The following CFAP221 variants were observed in gnomAD, a reference collection of about 807,000 sequenced individuals.
The protein encoded by CFAP221 is cilia- and flagella-associated protein 221.
CFAP221 carries 97 observed loss-of-function variants against 113.1 expected under a neutral mutation model. The observed-to-expected ratio is 0.86, with a 90% confidence interval of 0.73 to 1.02. The LOEUF (loss-of-function observed/expected upper bound fraction) is 1.02, where lower values mean the gene tolerates loss of function less well. Among genes scored for constraint, CFAP221 ranks in the 50% least tolerant of loss-of-function variants. The pLI, the probability that CFAP221 is intolerant of heterozygous loss-of-function variation, is 0.00. For synonymous variants in CFAP221, 331 were observed against 354.4 expected, an observed-to-expected ratio of 0.93 and a Z score of 0.74; for missense variants, 1,025 against 1,013.4, an observed-to-expected ratio of 1.01 and a Z score of -0.16.
intron 7 of CFAP221, 144 bp from the exon 8 acceptor site, chr2:119,601,074 T>C: frequency 1.2e-6 from 1 of 810,092 alleles, no homozygotes; most frequent in Non-Finnish European, 1.8e-6. Flanking sequence ...CCAAAAGTTA[T>C]GTGTGGATTT....
intron 14 of CFAP221, among the ~76,000 whole-genome samples, chr2:119,616,384 C>T (rs557401692): frequency 1.2e-3 from 188 of 152,256 alleles, no homozygotes; most frequent in Non-Finnish European, 2.3e-3. Flanking sequence ...CACCTTTTGG[C>T]TATTATGAGT....
At chr2:119,554,048 C>A (rs995512374) in intron 3 of CFAP221, among the ~76,000 whole-genome samples, 4 of 152,296 alleles carry the variant, frequency 2.6e-5, no homozygotes, top group African/African-American at 9.6e-5. Context: ...ATCTTAATAA[C>A]ATTCTCGGAA....
At chr2:119,629,140 C>CA (rs1686583918) in intron 16 of CFAP221, among the ~76,000 whole-genome samples, 1 of 152,116 alleles carries the variant, frequency 6.6e-6, no homozygotes. Context: ...GTCATTGTGG[C>CA]ATATTAACGT....
At chr2:119,636,272 G>C (rs1369468990) in intron 19 of CFAP221, among the ~76,000 whole-genome samples, 1 of 152,166 alleles carries the variant, frequency 6.6e-6, no homozygotes, top group Non-Finnish European at 1.5e-5. Flanking sequence ...TGAAGGTCTT[G>C]GCTGTAGTTC....
chr2:119,579,675 A>G (rs1682708869), intron 6 of CFAP221, among the ~76,000 whole-genome samples: 1 of 152,322 alleles, frequency 6.6e-6, no homozygotes, highest in African/African-American at 2.4e-5. Context: ...AGACTGGCTA[A>G]TGCATCAGGA....
chr2:119,658,140 T>C (rs1339092973), downstream of CFAP221, among the ~76,000 whole-genome samples: 1 of 152,214 alleles, frequency 6.6e-6, no homozygotes, highest in Non-Finnish European at 1.5e-5. Flanking sequence ...GCCACAACCA[T>C]TACCATGATG....
chr2:119,624,188 C>T (rs1686130500), intron 14 of CFAP221, among the ~76,000 whole-genome samples: 1 of 152,104 alleles, frequency 6.6e-6, no homozygotes. Context: ...AAACAAACAA[C>T]CCCATCAAAA....
At position 119,627,702 on chromosome 2, in the gene CFAP221, T is replaced by C. The variant is rs1287155193; in HGVS notation, c.1566T>C (p.Tyr522=). The part of the protein sequence containing the change: ...FFLRRISQDD[Y]TSRFSVSPKE... Reference sequence around the variant, plus strand: ...TGAGGCGGATCAGTCAGGATGATTATACCAGCCGGTTCTCTGTGTCGCCCA... The same window carrying C: ...TGAGGCGGATCAGTCAGGATGATTACACCAGCCGGTTCTCTGTGTCGCCCA... Residue 522 remains tyrosine (Y), a synonymous_variant, in exon 16 of 24, where the codon TAT becomes TAC. Transcript: ENST00000413369. 1.2e-6 allele frequency: 2 copies of C among 1,613,950 alleles called. No individual in the cohort carries two copies. Among genetic ancestry groups the C allele is most frequent in the East Asian group, 4.5e-5 (2 of 44,874 alleles).
chr2:119,586,475 C>T (rs1444561914), intron 6 of CFAP221, among the ~76,000 whole-genome samples: 3 of 152,162 alleles, frequency 2.0e-5, no homozygotes, highest in Admixed American at 6.5e-5. Context: ...CTTAGAGGTC[C>T]GCCTTGTCTT....
intron 22 of CFAP221, among the ~76,000 whole-genome samples, chr2:119,649,333 A>G (rs1252454115): frequency 2.0e-5 from 3 of 152,214 alleles, no homozygotes; most frequent in South Asian, 4.1e-4. Context: ...AGAAATTATC[A>G]TAAGTCAAAA....
At chr2:119,633,699 C>T (rs1686933902) in intron 19 of CFAP221, among the ~76,000 whole-genome samples, 1 of 140,708 alleles carries the variant, frequency 7.1e-6, no homozygotes, top group African/African-American at 2.6e-5. Context: ...CCAAAGAAGA[C>T]TTATAAATGG....
At chr2:119,641,269 G>A (rs532258655) in intron 21 of CFAP221, among the ~76,000 whole-genome samples, 16 of 152,140 alleles carry the variant, frequency 1.1e-4, no homozygotes, top group African/African-American at 3.4e-4. Context: ...ATTAGCATGC[G>A]GTAAACAAAA....
intron 12 of CFAP221, among the ~76,000 whole-genome samples, chr2:119,610,512 A>G (rs1036855725): frequency 6.6e-6 from 1 of 152,162 alleles, no homozygotes; most frequent in Non-Finnish European, 1.5e-5. Context: ...CCATTATTCT[A>G]GCTAGTGATC....
At chr2:119,640,302 T>C (rs1265516643) in intron 21 of CFAP221, among the ~76,000 whole-genome samples, 1 of 152,008 alleles carries the variant, frequency 6.6e-6, no homozygotes, top group Non-Finnish European at 1.5e-5. Context: ...CATGGCCCTC[T>C]TGTGCCACAG....
At chr2:119,601,491 A>G (rs966520205) in intron 8 of CFAP221, 114 bp downstream of exon 8, 3 of 1,006,124 alleles carry the variant, frequency 3.0e-6, no homozygotes, top group Non-Finnish European at 4.2e-6. Flanking sequence ...AACTTATTTA[A>G]AATGATGAGC....
chr2:119,612,844 T>C (rs182916357), intron 13 of CFAP221, among the ~76,000 whole-genome samples: 1 of 152,336 alleles, frequency 6.6e-6, no homozygotes, highest in East Asian at 1.9e-4. Context: ...AAGCCTTAAC[T>C]TATTCCAGCA....
intron 21 of CFAP221, among the ~76,000 whole-genome samples, chr2:119,644,241 C>G (rs535283142): frequency 1.3e-5 from 2 of 152,280 alleles, no homozygotes; most frequent in South Asian, 4.1e-4. Flanking sequence ...ATCACTATTT[C>G]AATTTTAAAT....
chr2:119,612,241 T>C (rs1253852188), intron 13 of CFAP221, among the ~76,000 whole-genome samples: 1 of 152,244 alleles, frequency 6.6e-6, no homozygotes, highest in Non-Finnish European at 1.5e-5. Context: ...ATTATCTCTG[T>C]CTTGTAATAT....
chr2:119,599,653 G>C (rs968253534), intron 7 of CFAP221, among the ~76,000 whole-genome samples: 1 of 152,106 alleles, frequency 6.6e-6, no homozygotes, highest in Non-Finnish European at 1.5e-5. Context: ...AGGCCCTTTC[G>C]TTCTCATACT....
Sources: gnomAD v4.1 joint callset for allele counts (sites outside exome capture counted in the v4.1 genomes callset) on GRCh38, gnomAD v4.1.1 for gene constraint, MANE v1.5 for transcripts, NCBI Gene and HGNC (gene_info 2026-07-23, HGNC 2026-07-21) for gene names.